EML6: variants seen among roughly 807,000 people sequenced by gnomAD.
EML6 encodes echinoderm microtubule-associated protein-like 6.
EML6 carries 154 observed loss-of-function variants against 240.1 expected under a neutral mutation model. That is an observed-to-expected ratio of 0.64 (90% confidence interval 0.56 to 0.73). The LOEUF (loss-of-function observed/expected upper bound fraction) is 0.73, where lower values mean the gene tolerates loss of function less well. Ranked by LOEUF, EML6 falls within the 30% of genes least tolerant of loss-of-function variation. The pLI, the probability that EML6 is intolerant of heterozygous loss-of-function variation, is 0.00. For synonymous variants in EML6, 1,148 were observed against 899.0 expected (o/e 1.28, Z -4.95); for missense variants, 2,964 against 2,474.6 (o/e 1.20, Z -4.20).
Position 54,916,949 on chromosome 2 carries a change from T to C in EML6, c.3675+14T>C. 2.0e-6 allele frequency: 3 copies of C among 1,515,528 alleles called. No individual in the cohort carries two copies. The highest frequency in any genetic ancestry group is 1.2e-5 in the South Asian group (1 of 82,652). The allele number at this position is 1,515,528 out of a possible 1,614,324, so 93.9% of individuals were successfully genotyped here. ...TATCCTGTCAAGGTAATATTGCGTGTTTATTATCTTTACTTGCTCAGTCTC... is the reference window on the plus strand; with the variant it reads ...TATCCTGTCAAGGTAATATTGCGTGCTTATTATCTTTACTTGCTCAGTCTC... On this transcript the variant is annotated intron_variant, in intron 26 of 41. Coordinates refer to ENST00000356458, the MANE Select transcript of EML6 (RefSeq NM_001039753.4).
At chr2:54,731,632 A>G (rs1004890121) in intron 2 of EML6, among the ~76,000 whole-genome samples, 1 of 152,052 alleles carries the variant, frequency 6.6e-6, no homozygotes, top group African/African-American at 2.4e-5. Context: ...ATATATATAT[A>G]TATGACTGTG....
chr2:54,941,660 G>A (rs984550390), intron 28 of EML6, among the ~76,000 whole-genome samples: 8 of 152,330 alleles, frequency 5.3e-5, no homozygotes, highest in African/African-American at 1.7e-4. Context: ...TTCCAAGGCT[G>A]GAGTGAGCTT....
At chr2:54,787,248 G>A (rs796262269) in intron 2 of EML6, among the ~76,000 whole-genome samples, 4 of 152,074 alleles carry the variant, frequency 2.6e-5, no homozygotes, top group Non-Finnish European at 4.4e-5. Flanking sequence ...AGAAATACCT[G>A]ACAAGGCTCC....
At chr2:54,901,587 T>C (rs1438196197) in intron 22 of EML6, among the ~76,000 whole-genome samples, 1 of 152,230 alleles carries the variant, frequency 6.6e-6, no homozygotes, top group African/African-American at 2.4e-5. Flanking sequence ...ATTAATAGCT[T>C]TCCTTTTCAC....
At chr2:54,797,167 A>AAAAAAAAAAAAAAAAAAAAAAAC (rs1669839835) in intron 2 of EML6, among the ~76,000 whole-genome samples, 1,409 of 113,260 alleles carry the variant, frequency 0.012, 64 homozygotes, top group Non-Finnish European at 0.02. Flanking sequence ...TCCATCTCAA[A>AAAAAAAAAAAAAAAAAAAAAAAC]AAAAAAAAAA....
At chr2:54,950,404 G>T (rs1675914056) in intron 29 of EML6, among the ~76,000 whole-genome samples, 1 of 152,206 alleles carries the variant, frequency 6.6e-6, no homozygotes, top group South Asian at 2.1e-4. Flanking sequence ...AGTAAATCTG[G>T]GTTTTTTGGA....
chr2:54,950,558 G>A (rs1198610935), intron 29 of EML6, 92 bp from the exon 30 acceptor site: 8 of 1,418,722 alleles, frequency 5.6e-6, no homozygotes, highest in Non-Finnish European at 7.6e-6. Context: ...CCGTTCCTGG[G>A]ACACACGAGG....
At position 54,970,327 on chromosome 2, in the gene EML6, C is replaced by T. The variant is rs772970653; in HGVS notation, c.*232C>T. The T allele has an allele frequency of 5.0e-5, 29 of 581,940 alleles. 1 individual carries two copies. The highest frequency in any genetic ancestry group is 2.8e-4 in the South Asian group (14 of 49,570). 36.0% of individuals were successfully genotyped at this position (581,940 alleles called of 1,614,324 possible). On this transcript the variant is annotated 3_prime_UTR_variant, in exon 42 of 42. Coordinates refer to ENST00000356458, the MANE Select transcript of EML6 (RefSeq NM_001039753.4). Reference sequence around the variant, plus strand: ...TTTTAAAATGTTAAAGACTGCTTGCCTCTGTTCCTGAGACTAAACAGTATA... The same window carrying T: ...TTTTAAAATGTTAAAGACTGCTTGCTTCTGTTCCTGAGACTAAACAGTATA...
At chr2:54,872,283 C>T (rs1671295258) in intron 16 of EML6, among the ~76,000 whole-genome samples, 1 of 152,082 alleles carries the variant, frequency 6.6e-6, no homozygotes, top group Non-Finnish European at 1.5e-5. Context: ...ATAATTGCAA[C>T]TGTAGAAATT....
rs540457251 is a variant in EML6 at position 54,929,819 on chromosome 2, A to G, written c.4004+1068A>G. On this transcript the variant is annotated intron_variant, in intron 28 of 41. Transcript: ENST00000356458. Reference sequence around the variant, plus strand: ...ATTGAATCTAATGCAAAAAAGCCCTAATTTTTCCCTAGCATCTTTGTTAGA... The same window carrying G: ...ATTGAATCTAATGCAAAAAAGCCCTGATTTTTCCCTAGCATCTTTGTTAGA... Among the ~76,000 whole-genome samples the G allele has an allele frequency of 2.3e-3, 345 of 152,230 alleles. 1 individual carries two copies. The highest frequency in any genetic ancestry group is 3.5e-3 in the Admixed American group (54 of 15,284).
At chr2:54,739,075 C>T (rs937890130) in intron 2 of EML6, among the ~76,000 whole-genome samples, 9 of 152,044 alleles carry the variant, frequency 5.9e-5, no homozygotes, top group African/African-American at 2.2e-4. Context: ...TATACTTCCA[C>T]CATCACAGAA....
intron 11 of EML6, among the ~76,000 whole-genome samples, chr2:54,855,880 C>A: frequency 6.6e-6 from 1 of 152,182 alleles, no homozygotes; most frequent in Middle Eastern, 3.2e-3. Flanking sequence ...TGGAATGTGT[C>A]TGTCTGTAAT....
chr2:54,907,933 T>C (rs1673418105), intron 24 of EML6, among the ~76,000 whole-genome samples: 2 of 41,872 alleles, frequency 4.8e-5, no homozygotes, highest in African/African-American at 1.7e-4. Context: ...GATAGATAGA[T>C]AGATAGATAG....
intron 2 of EML6, among the ~76,000 whole-genome samples, chr2:54,808,146 T>A (rs1199133711): frequency 6.6e-6 from 1 of 152,186 alleles, no homozygotes. Flanking sequence ...CTGTTTGTGC[T>A]GCCCAAGCCC....
chr2:54,967,149 T>G, intron 39 of EML6, 46 bp downstream of exon 39: 1 of 1,259,260 alleles, frequency 7.9e-7, no homozygotes, highest in East Asian at 2.5e-5. Context: ...CACAAGGGAG[T>G]CTCTTGTCTC....
chr2:54,946,211 C>T (rs553801632), intron 28 of EML6, among the ~76,000 whole-genome samples: 1 of 152,274 alleles, frequency 6.6e-6, no homozygotes, highest in South Asian at 2.1e-4. Flanking sequence ...GCCCCCCTGC[C>T]CATTCTCCTC....
intron 16 of EML6, among the ~76,000 whole-genome samples, chr2:54,877,496 A>C (rs1208208685): frequency 6.6e-6 from 1 of 152,194 alleles, no homozygotes; most frequent in Admixed American, 6.5e-5. Flanking sequence ...GGAGAGAGAA[A>C]ACACCAATAA....
intron 20 of EML6, 84 bp downstream of exon 20, chr2:54,895,110 C>A: frequency 1.5e-6 from 2 of 1,328,508 alleles, no homozygotes; most frequent in Non-Finnish European, 2.1e-6. Flanking sequence ...AAACTATTAG[C>A]AAATCAATTT....
At chr2:54,938,135 C>T (rs1573181780) in intron 28 of EML6, among the ~76,000 whole-genome samples, 1 of 152,150 alleles carries the variant, frequency 6.6e-6, no homozygotes, top group Non-Finnish European at 1.5e-5. Flanking sequence ...CACCTGAGGT[C>T]AGGAGTTCGA....
Sources: allele counts gnomAD v4.1 joint callset (sites outside exome capture counted in the v4.1 genomes callset), GRCh38; gene constraint gnomAD v4.1.1; transcripts MANE v1.5; gene names NCBI Gene and HGNC (gene_info 2026-07-23, HGNC 2026-07-21).